Variants in BACH2 observed in about 807,000 individuals in gnomAD.
BACH2 encodes transcription regulator protein BACH2.
A neutral mutation model predicts 61.8 loss-of-function variants in BACH2; 5 were observed. That is an observed-to-expected ratio of 0.08 (90% CI 0.04 to 0.17). The LOEUF (loss-of-function observed/expected upper bound fraction) is 0.17. Among genes scored for constraint, BACH2 ranks in the 10% least tolerant of loss-of-function variants. BACH2 has a pLI of 1.00. For missense variants in BACH2, 824 were observed against 1,091.1 expected (o/e 0.76, Z 3.45); for synonymous variants, 446 against 440.1 (o/e 1.01, Z -0.17).
chr6:90,132,863 A>C (rs1021363680), intron 4 of BACH2, among the ~76,000 whole-genome samples: 12 of 151,474 alleles, frequency 7.9e-5, no homozygotes, highest in Non-Finnish European at 1.6e-4. Flanking sequence ...CACTGTACCC[A>C]CTCCCTGTAT....
chr6:90,030,411 C>T (rs1778905213), intron 5 of BACH2, among the ~76,000 whole-genome samples: 1 of 151,900 alleles, frequency 6.6e-6, no homozygotes, highest in East Asian at 1.9e-4. Context: ...GAAAATCAGA[C>T]CAGCAGGGTT....
intron 4 of BACH2, among the ~76,000 whole-genome samples, chr6:90,144,805 T>G (rs999502954): frequency 2.6e-5 from 4 of 152,284 alleles, no homozygotes; most frequent in African/African-American, 9.6e-5. Flanking sequence ...ACACAAGTTT[T>G]TCAAAAGAAA....
At position 89,950,540 on chromosome 6, in the gene BACH2, G is replaced by A. The variant is rs1299885447; in HGVS notation, c.1566C>T (p.Ser522=). ...PLETRTRTSS[S]CSSYSYAEDG... The stretch of plus-strand genomic sequence containing the variant: ...CCTCCGCGTAGGAATAGGAAGAGCA[G>A]GAGCTGGAAGTCCTGGTCCTGGTCT... The change falls in exon 7 of 9, where the codon TCC becomes TCT. Residue 522 remains serine, a synonymous_variant. Coordinates refer to ENST00000257749, the MANE Select transcript of BACH2 (RefSeq NM_021813.4). This position sits in a 1 kb window ranked among gnomAD's most constrained non-coding sequence, Gnocchi z 5.3. The A allele has an allele frequency of 3.1e-6, 5 of 1,611,748 alleles. No individual in the cohort carries two copies. In the African/African-American group the frequency reaches 6.7e-5, roughly 22 times the overall value.
At chr6:89,976,826 T>C (rs780745342) in intron 6 of BACH2, among the ~76,000 whole-genome samples, 1 of 152,200 alleles carries the variant, frequency 6.6e-6, no homozygotes, top group African/African-American at 2.4e-5. Context: ...AGATACCTCG[T>C]TGGCTCTGGA....
At chr6:90,281,100 C>T (rs1771845158) in intron 1 of BACH2, among the ~76,000 whole-genome samples, 1 of 152,136 alleles carries the variant, frequency 6.6e-6, no homozygotes, top group Admixed American at 6.6e-5. Context: ...ACATCCAGAC[C>T]TGAGAGTAGT....
intron 5 of BACH2, among the ~76,000 whole-genome samples, chr6:90,032,018 A>G (rs1779010797): frequency 6.6e-6 from 1 of 152,178 alleles, no homozygotes; most frequent in Admixed American, 6.5e-5. Context: ...ATATAGACCA[A>G]TGGAACAGAA....
intron 6 of BACH2, chr6:90,001,296 C>G (rs1052701872): frequency 6.6e-5 from 10 of 152,230 alleles, no homozygotes; most frequent in African/African-American, 2.4e-4. Flanking sequence ...GAGCTTCTAG[C>G]AGGCAGCACA....
intron 5 of BACH2, among the ~76,000 whole-genome samples, chr6:90,059,071 C>T (rs1780535966): frequency 6.6e-6 from 1 of 152,190 alleles, no homozygotes; most frequent in Non-Finnish European, 1.5e-5. Flanking sequence ...TGGGCAAGGA[C>T]TTCATGTCTG....
chr6:90,288,851 AAAAAAACAAAAAAC>A (rs988091130), intron 1 of BACH2, among the ~76,000 whole-genome samples: 2 of 152,060 alleles, frequency 1.3e-5, no homozygotes, highest in Non-Finnish European at 2.9e-5. Flanking sequence ...CCTACCCACC[AAAAAAACAAAAAAC>A]AAAAAACAAA....
At chr6:90,144,374 AGGAG>A (rs1214605614) in intron 4 of BACH2, among the ~76,000 whole-genome samples, 2 of 151,524 alleles carry the variant, frequency 1.3e-5, no homozygotes, top group African/African-American at 2.4e-5. Context: ...AACAGAGGGA[AGGAG>A]GGAGGGAGGG....
intron 5 of BACH2, among the ~76,000 whole-genome samples, chr6:90,021,311 A>C (rs557465292): frequency 8.8e-4 from 133 of 151,776 alleles, no homozygotes; most frequent in Non-Finnish European, 1.4e-3. Flanking sequence ...AAAAAAAAAA[A>C]AAAAAACCAA....
chr6:90,239,429 A>G (rs375091977), intron 3 of BACH2, among the ~76,000 whole-genome samples: 47 of 152,340 alleles, frequency 3.1e-4, no homozygotes, highest in African/African-American at 1.1e-3. Flanking sequence ...CAAGCGAAAG[A>G]TCAGCTGAAA....
intron 1 of BACH2, among the ~76,000 whole-genome samples, chr6:90,293,197 C>G (rs943080957): frequency 6.6e-6 from 1 of 152,150 alleles, no homozygotes; most frequent in African/African-American, 2.4e-5. Context: ...TGGCTCTCAC[C>G]CCCTGGACAC....
chr6:90,262,449 A>G (rs1582544992), intron 2 of BACH2, among the ~76,000 whole-genome samples: 1 of 152,200 alleles, frequency 6.6e-6, no homozygotes, highest in Admixed American at 6.5e-5. Flanking sequence ...GTACCCATTC[A>G]TGGGTACCAT....
intron 4 of BACH2, among the ~76,000 whole-genome samples, chr6:90,192,113 G>A (rs1426849690): frequency 6.6e-6 from 1 of 152,094 alleles, no homozygotes; most frequent in Admixed American, 6.5e-5. Flanking sequence ...GCAATATAGT[G>A]GTTTCTTAAT....
chr6:90,266,823 T>C (rs12197249), intron 2 of BACH2, among the ~76,000 whole-genome samples: 7,549 of 152,222 alleles, frequency 0.05, 233 homozygotes, highest in Admixed American at 0.093. Context: ...GTTTCAGAAC[T>C]GGATAGAGGT....
chr6:90,289,771 G>C (rs1223612881), intron 1 of BACH2, among the ~76,000 whole-genome samples: 1 of 152,180 alleles, frequency 6.6e-6, no homozygotes, highest in African/African-American at 2.4e-5. Context: ...AATAATCTTC[G>C]GGCCACAGAG....
At chr6:90,000,318 T>C (rs1297408481) in intron 6 of BACH2, among the ~76,000 whole-genome samples, 2 of 152,222 alleles carry the variant, frequency 1.3e-5, no homozygotes, top group East Asian at 3.8e-4. Flanking sequence ...TTCAAAATTA[T>C]CAGTATGATT....
chr6:90,262,261 C>A (rs1193214669), intron 2 of BACH2, among the ~76,000 whole-genome samples: 1 of 152,122 alleles, frequency 6.6e-6, no homozygotes, highest in Non-Finnish European at 1.5e-5. Context: ...GGGCTCTTTG[C>A]CCAAAATGCT....
Sources: allele counts gnomAD v4.1 joint callset (sites outside exome capture counted in the v4.1 genomes callset), GRCh38; gene constraint gnomAD v4.1.1; non-coding constraint Gnocchi (gnomAD v3.1); transcripts MANE v1.5; gene names NCBI Gene and HGNC (gene_info 2026-07-23, HGNC 2026-07-21).